Variants in USP53 observed in about 807,000 individuals in gnomAD.
USP53 encodes the protein ubiquitin specific peptidase 53.
USP53 carries 71 observed loss-of-function variants against 94.9 expected under a neutral mutation model. That is an observed-to-expected ratio of 0.75 (90% CI 0.62 to 0.91). USP53 has a LOEUF of 0.91. Among genes scored for constraint, USP53 ranks in the 40% least tolerant of loss-of-function variants. The probability of loss-of-function intolerance (pLI) is 0.00; values close to 1 mark genes in which losing one functional copy is unlikely to be tolerated. For synonymous variants in USP53, 375 were observed against 422.7 expected (o/e 0.89, Z 1.39); for missense variants, 1,173 against 1,281.0 (o/e 0.92, Z 1.29).
intron 17 of USP53, among the ~76,000 whole-genome samples, chr4:119,286,760 A>C (rs1754159534): frequency 1.3e-5 from 2 of 152,054 alleles, no homozygotes; most frequent in Admixed American, 1.3e-4. Flanking sequence ...TTACATTTCA[A>C]CTTAAAAATT....
chr4:119,225,532 G>A lies in USP53; in HGVS notation c.-665+7859G>A, dbSNP rs28788871. ...GAGGCCGAGGCGGGCAGATCACGAGGTCCAGAGATCAAGACCATCCTGGCT... is the reference window on the plus strand; with the variant it reads ...GAGGCCGAGGCGGGCAGATCACGAGATCCAGAGATCAAGACCATCCTGGCT... On this transcript the variant is annotated intron_variant, in intron 3 of 18. Coordinates refer to ENST00000692078, the MANE Select transcript of USP53 (RefSeq NM_001371395.1). Among the ~76,000 whole-genome samples, 426 of 152,030 alleles carry A rather than the reference G, an allele frequency of 2.8e-3. 2 individuals are homozygous for A. Among genetic ancestry groups the A allele is most frequent in the African/African-American group, 9.8e-3 (406 of 41,484 alleles).
intron 4 of USP53, among the ~76,000 whole-genome samples, chr4:119,238,167 G>T (rs1016832422): frequency 2.0e-5 from 3 of 152,148 alleles, no homozygotes; most frequent in African/African-American, 4.8e-5. Flanking sequence ...CTTACTGCTT[G>T]ATGTAGGAAG....
At chr4:119,236,884 C>G (rs1178254938) in intron 4 of USP53, among the ~76,000 whole-genome samples, 1 of 152,124 alleles carries the variant, frequency 6.6e-6, no homozygotes, top group Non-Finnish European at 1.5e-5. Flanking sequence ...TTTATGGCAT[C>G]TAGAATGGTG....
chr4:119,227,256 TACACACACACACACACACACACAC>T (rs3138727), intron 3 of USP53, among the ~76,000 whole-genome samples: 13 of 125,080 alleles, frequency 1.0e-4, no homozygotes, highest in Non-Finnish European at 1.5e-4. Context: ...TGTCTAACAC[TACACACACACACACACACACACAC>T]ACACACACAC....
At chr4:119,241,551 T>TC (rs1578452999) in intron 5 of USP53, among the ~76,000 whole-genome samples, 1 of 152,214 alleles carries the variant, frequency 6.6e-6, no homozygotes, top group East Asian at 1.9e-4. Context: ...CTTCTCTGTT[T>TC]TAGCTTGCAT....
intron 3 of USP53, among the ~76,000 whole-genome samples, chr4:119,231,598 G>A (rs754113173): frequency 6.6e-6 from 1 of 152,144 alleles, no homozygotes; most frequent in African/African-American, 2.4e-5. Flanking sequence ...CCACCTGACA[G>A]ATTTGTTGAT....
chr4:119,261,698 C>A lies in USP53; in HGVS notation c.823-17C>A. The A allele has an allele frequency of 6.4e-7, 1 of 1,556,366 alleles. No individual in the cohort carries two copies. Among genetic ancestry groups the A allele is most frequent in the Non-Finnish European group, 8.8e-7 (1 of 1,140,744 alleles). On this transcript the variant is annotated splice_polypyrimidine_tract_variant and intron_variant, in intron 11 of 18. Coordinates refer to ENST00000692078, the MANE Select transcript of USP53 (RefSeq NM_001371395.1). ...AAGATGTAGTGTTAAGTGTACATTA[C>A]CAATTTTTTTAAACAGCTTTTTTAT...
Position 119,271,299 on chromosome 4 carries a change from TGG to T in USP53, c.1440_1441del (p.Leu480PhefsTer2), listed in dbSNP as rs1346032501. The stretch of plus-strand genomic sequence containing the variant: ...ATCTTTAATTTTTTTTTTTAAGATT[TGG>T]TTGATGAAGACCTTTCACATTTCCA... On this transcript the variant is annotated frameshift_variant, in exon 16 of 19. Transcript: ENST00000692078. LOFTEE classifies it high-confidence loss of function. The T allele has an allele frequency of 1.9e-6, 3 of 1,540,952 alleles. No individual in the cohort carries two copies. The highest frequency in any genetic ancestry group is 2.6e-6 in the Non-Finnish European group (3 of 1,149,556).
At chr4:119,289,375 G>C (rs182947402) in intron 17 of USP53, among the ~76,000 whole-genome samples, 2 of 152,270 alleles carry the variant, frequency 1.3e-5, no homozygotes, top group Non-Finnish European at 1.5e-5. Context: ...TGCGTCATCA[G>C]TGTAAATGGC....
chr4:119,290,075 C>T (rs1754570179), intron 17 of USP53, among the ~76,000 whole-genome samples: 2 of 152,138 alleles, frequency 1.3e-5, no homozygotes. Flanking sequence ...TTACTCTGAA[C>T]ATTAATATTG....
chr4:119,292,386 AC>A lies in USP53; in HGVS notation c.2398del (p.Gln800LysfsTer34). ...GAAAGTTATTTCCTTCATCCAGTCTACAAATACCCAAGGACCATAATGCAAG... is the reference window on the plus strand; with the variant it reads ...GAAAGTTATTTCCTTCATCCAGTCTAAAATACCCAAGGACCATAATGCAAG... ...NGKLFPSSSLQIPKDHNAREH... is the reference protein window; with the variant it reads ...NGKLFPSSSLXIPKDHNAREH... On this transcript the variant is annotated frameshift_variant, in exon 19 of 19. Transcript: ENST00000692078. LOFTEE classifies it low-confidence loss of function (END_TRUNC). The A allele has an allele frequency of 6.2e-7, 1 of 1,612,626 alleles. No individual in the cohort carries two copies. Among genetic ancestry groups the A allele is most frequent in the African/African-American group, 1.3e-5 (1 of 74,910 alleles).
chr4:119,225,094 G>A (rs921824395), intron 3 of USP53, among the ~76,000 whole-genome samples: 9 of 152,112 alleles, frequency 5.9e-5, no homozygotes, highest in African/African-American at 2.2e-4. Context: ...CAAATTAACA[G>A]TATCAGGAGT....
intron 17 of USP53, among the ~76,000 whole-genome samples, chr4:119,285,352 A>T (rs1753978163): frequency 1.3e-5 from 2 of 151,902 alleles, no homozygotes; most frequent in Non-Finnish European, 2.9e-5. Flanking sequence ...GGATATTTAT[A>T]GATCATATGT....
intron 12 of USP53, among the ~76,000 whole-genome samples, chr4:119,263,618 T>C (rs1750760639): frequency 6.6e-6 from 1 of 152,102 alleles, no homozygotes; most frequent in African/African-American, 2.4e-5. Context: ...TTCTCAAAAA[T>C]CATACAAGGT....
intron 17 of USP53, among the ~76,000 whole-genome samples, chr4:119,276,556 TTC>T (rs1316216202): frequency 2.0e-4 from 30 of 149,110 alleles, no homozygotes; most frequent in African/African-American, 6.9e-4. Context: ...TGGTCTAAAA[TTC>T]TCTTTTTTGG....
intron 2 of USP53, among the ~76,000 whole-genome samples, chr4:119,217,329 A>G (rs1400259938): frequency 6.6e-6 from 1 of 152,124 alleles, no homozygotes; most frequent in Admixed American, 6.5e-5. Flanking sequence ...TGATGCTACC[A>G]TATAGGCATG....
At chr4:119,279,904 G>A (rs1178963708) in intron 17 of USP53, among the ~76,000 whole-genome samples, 9 of 152,314 alleles carry the variant, frequency 5.9e-5, no homozygotes, top group East Asian at 1.9e-4. Context: ...TCGGAAAGGG[G>A]ACTCCCTGAC....
chr4:119,233,786 A>G (rs1022504335), intron 3 of USP53, among the ~76,000 whole-genome samples: 28 of 152,052 alleles, frequency 1.8e-4, no homozygotes, highest in Middle Eastern at 3.4e-3. Flanking sequence ...CATACTCTCC[A>G]AGTGTCTGGT....
At chr4:119,280,767 T>C (rs1316633727) in intron 17 of USP53, among the ~76,000 whole-genome samples, 1 of 152,182 alleles carries the variant, frequency 6.6e-6, no homozygotes, top group African/African-American at 2.4e-5. Flanking sequence ...AGGTGGTCAG[T>C]GTAGTCTCTT....
Sources: allele counts gnomAD v4.1 joint callset (sites outside exome capture counted in the v4.1 genomes callset), GRCh38; gene constraint gnomAD v4.1.1; transcripts MANE v1.5; gene names NCBI Gene and HGNC (gene_info 2026-07-23, HGNC 2026-07-21).